FAT3: variants seen among roughly 807,000 people sequenced by gnomAD.
The protein encoded by FAT3 is FAT atypical cadherin 3.
A neutral mutation model predicts 310.2 loss-of-function variants in FAT3; 95 were observed. The ratio of observed to expected loss-of-function variants is 0.31; its 90% confidence interval spans 0.26 to 0.36. The LOEUF (loss-of-function observed/expected upper bound fraction) is 0.36. Among genes scored for constraint, FAT3 ranks in the 10% least tolerant of loss-of-function variants. FAT3 has a pLI of 1.00. For missense variants in FAT3, 5,408 were observed against 5,715.6 expected (o/e 0.95, Z 1.74); for synonymous variants, 2,314 against 2,192.9 (o/e 1.06, Z -1.54).
chr11:92,652,701 C>T (rs557030809), intron 3 of FAT3, among the ~76,000 whole-genome samples: 2 of 152,190 alleles, frequency 1.3e-5, no homozygotes, highest in South Asian at 2.1e-4. Flanking sequence ...GGCTGGGAAA[C>T]GATAGCTGTT....
intron 2 of FAT3, among the ~76,000 whole-genome samples, chr11:92,517,071 G>T (rs1448574473): frequency 1.3e-5 from 2 of 152,266 alleles, no homozygotes; most frequent in East Asian, 1.9e-4. Context: ...GAAATTTATA[G>T]ATTCAATGCT....
intron 2 of FAT3, among the ~76,000 whole-genome samples, chr11:92,363,540 T>G (rs1030322577): frequency 2.0e-5 from 3 of 152,230 alleles, no homozygotes; most frequent in Admixed American, 2.0e-4. Context: ...AACTTCTCTT[T>G]GACATGTTGA....
At chr11:92,580,363 C>G (rs190431525) in intron 3 of FAT3, among the ~76,000 whole-genome samples, 48 of 152,078 alleles carry the variant, frequency 3.2e-4, no homozygotes, top group Non-Finnish European at 1.9e-4. Flanking sequence ...AATGTTCTTC[C>G]CCTAACACTA....
At chr11:92,505,865 G>A (rs1953083720) in intron 2 of FAT3, among the ~76,000 whole-genome samples, 1 of 152,130 alleles carries the variant, frequency 6.6e-6, no homozygotes, top group Non-Finnish European at 1.5e-5. Flanking sequence ...TGCAATAACT[G>A]TCAGGCACTC....
intron 1 of FAT3, among the ~76,000 whole-genome samples, chr11:92,280,007 C>G (rs898952650): frequency 6.6e-6 from 1 of 152,058 alleles, no homozygotes; most frequent in Admixed American, 6.6e-5. Flanking sequence ...GTTTCTCAAG[C>G]AAATGTGTTT....
At chr11:92,552,447 G>A (rs1480239178) in intron 3 of FAT3, among the ~76,000 whole-genome samples, 1 of 151,986 alleles carries the variant, frequency 6.6e-6, no homozygotes, top group African/African-American at 2.4e-5. Context: ...TATAGAGAAA[G>A]AAACAAAAAA....
chr11:92,366,352 A>T, intron 2 of FAT3: 1 of 239,824 alleles, frequency 4.2e-6, no homozygotes, highest in Non-Finnish European at 8.3e-6. Context: ...TAAAATGAAA[A>T]TGGGAGCCAC....
chr11:92,323,853 T>C (rs1055591669), intron 1 of FAT3, among the ~76,000 whole-genome samples: 3 of 152,252 alleles, frequency 2.0e-5, no homozygotes, highest in Non-Finnish European at 4.4e-5. Flanking sequence ...GACTGTTTTC[T>C]AGCTATGAAA....
intron 3 of FAT3, among the ~76,000 whole-genome samples, chr11:92,611,264 C>T (rs1940547151): frequency 1.3e-5 from 2 of 152,086 alleles, no homozygotes; most frequent in South Asian, 2.1e-4. Context: ...CCTGGGACTG[C>T]ACCATCTTGC....
At position 92,762,087 on chromosome 11, in the gene FAT3, G is replaced by A. The variant is rs2136085745; in HGVS notation, c.3901G>A (p.Asp1301Asn). 1 of 1,613,978 alleles carries A rather than the reference G, an allele frequency of 6.2e-7. No individual in the cohort carries two copies. The highest frequency in any genetic ancestry group is 8.5e-7 in the Non-Finnish European group (1 of 1,179,872). The change falls in exon 5 of 28, where the codon GAC becomes AAC. Residue 1301 changes from aspartate (D) to asparagine (N), a missense_variant. Physicochemically the swap from Asp to Asn is conservative, Grantham distance 23. Around this residue, in one of 5 missense-constraint regions of FAT3, gnomAD observed 4,588 missense variants for 4,809.8 expected, o/e 0.95. Coordinates refer to ENST00000525166, the MANE Select transcript of FAT3 (RefSeq NM_001367949.2). ...CTACAGTATTGTGGATGGGAATGAT[G>A]ACGGAAAGTTCTTTATTGACCCTAA... ...ISYSIVDGNDDGKFFIDPKTG... is the reference protein window; with the variant it reads ...ISYSIVDGNDNGKFFIDPKTG...
chr11:92,721,039 C>A (rs1298516071), intron 4 of FAT3, among the ~76,000 whole-genome samples: 1 of 152,092 alleles, frequency 6.6e-6, no homozygotes, highest in Admixed American at 6.5e-5. Context: ...ATCCCATCAC[C>A]CAGGTATTAA....
At chr11:92,767,686 C>A (rs1346814527) in intron 6 of FAT3, among the ~76,000 whole-genome samples, 1 of 152,134 alleles carries the variant, frequency 6.6e-6, no homozygotes, top group African/African-American at 2.4e-5. Context: ...ACCTGATTTG[C>A]AAGTTTCTCA....
At chr11:92,613,668 C>A (rs1041573613) in intron 3 of FAT3, among the ~76,000 whole-genome samples, 1 of 152,122 alleles carries the variant, frequency 6.6e-6, no homozygotes, top group Non-Finnish European at 1.5e-5. Flanking sequence ...AAGCTGAATC[C>A]CTAAGAGCTC....
chr11:92,679,618 G>A (rs547444373), intron 3 of FAT3, among the ~76,000 whole-genome samples: 151 of 151,784 alleles, frequency 9.9e-4, no homozygotes, highest in Admixed American at 3.4e-3. Flanking sequence ...CGAGGTGGGC[G>A]GATCATGAGG....
At chr11:92,873,103 A>G (rs1460745296) in intron 22 of FAT3, among the ~76,000 whole-genome samples, 1 of 152,226 alleles carries the variant, frequency 6.6e-6, no homozygotes, top group African/African-American at 2.4e-5. Context: ...AATTACAACA[A>G]TAAAGCACCT....
chr11:92,856,861 C>T (rs1199297718), intron 19 of FAT3, among the ~76,000 whole-genome samples: 1 of 152,146 alleles, frequency 6.6e-6, no homozygotes, highest in Non-Finnish European at 1.5e-5. Context: ...AACCCCACTC[C>T]AATAAATACT....
rs568023229 is a variant in FAT3 at position 92,571,904 on chromosome 11, G to A, written c.3607+46956G>A. Among the ~76,000 whole-genome samples, 5 of 152,330 alleles carry A rather than the reference G, an allele frequency of 3.3e-5. No individual in the cohort carries two copies. The South Asian group carries it at 1.0e-3, about 32-fold the overall frequency. ...CTATGCAAGGGCATTCAGGGATGTA[G>A]CGTTTTTGCACTTCTGAAAACATCA... On this transcript the variant is annotated intron_variant, in intron 3 of 27. Coordinates refer to ENST00000525166, the MANE Select transcript of FAT3 (RefSeq NM_001367949.2).
intron 19 of FAT3, among the ~76,000 whole-genome samples, chr11:92,854,214 A>C (rs1948910758): frequency 6.6e-6 from 1 of 152,190 alleles, no homozygotes; most frequent in Admixed American, 6.5e-5. Context: ...TTTGGCCACA[A>C]CTTCGCTTCA....
At chr11:92,569,638 G>C (rs1565420873) in intron 3 of FAT3, among the ~76,000 whole-genome samples, 1 of 152,056 alleles carries the variant, frequency 6.6e-6, no homozygotes, top group African/African-American at 2.4e-5. Context: ...TTTTGTTCTT[G>C]TTCTTTCTAT....
Sources: gnomAD v4.1 joint callset for allele counts (sites outside exome capture counted in the v4.1 genomes callset) on GRCh38, gnomAD v4.1.1 for gene constraint, gnomAD v4.1.1 regional missense constraint, MANE v1.5 for transcripts, NCBI Gene and HGNC (gene_info 2026-07-23, HGNC 2026-07-21) for gene names.